Variants in SPAG9 observed in about 807,000 individuals in gnomAD.
SPAG9 encodes the protein C-Jun-amino-terminal kinase-interacting protein 4.
A neutral mutation model predicts 166.5 loss-of-function variants in SPAG9; 35 were observed. The observed-to-expected ratio is 0.21, with a 90% CI of 0.16 to 0.28. SPAG9 has a LOEUF of 0.28. Among genes scored for constraint, SPAG9 ranks in the 10% least tolerant of loss-of-function variants. The probability of loss-of-function intolerance (pLI) is 1.00; values close to 1 mark genes in which losing one functional copy is unlikely to be tolerated. For missense variants in SPAG9, 1,235 were observed against 1,603.3 expected (o/e 0.77, Z 3.92); for synonymous variants, 534 against 565.5 (o/e 0.94, Z 0.79).
At chr17:51,082,235 C>T (rs2048184047) in intron 1 of SPAG9, among the ~76,000 whole-genome samples, 1 of 151,664 alleles carries the variant, frequency 6.6e-6, no homozygotes, top group Non-Finnish European at 1.5e-5. Context: ...ATTAGCCAGG[C>T]ATGGTGGTGC....
intron 5 of SPAG9, among the ~76,000 whole-genome samples, chr17:51,034,477 T>C (rs545887765): frequency 6.6e-6 from 1 of 152,210 alleles, no homozygotes; most frequent in South Asian, 2.1e-4. Flanking sequence ...AAGGATGGGG[T>C]ATGTCAAAAG....
intron 3 of SPAG9, 41 bp downstream of exon 3, chr17:51,056,371 G>A (rs761583229): frequency 1.3e-4 from 147 of 1,114,032 alleles, no homozygotes; most frequent in Non-Finnish European, 1.9e-4. Context: ...TCATTTCTTT[G>A]TCTCAATAAT....
intron 1 of SPAG9, among the ~76,000 whole-genome samples, chr17:51,101,773 G>A (rs1014021688): frequency 3.3e-5 from 5 of 151,980 alleles, no homozygotes; most frequent in South Asian, 4.2e-4. Flanking sequence ...ATAGGCACCC[G>A]CCACCATGCC....
chr17:51,031,594 T>A, intron 6 of SPAG9, 87 bp downstream of exon 6: 1 of 919,386 alleles, frequency 1.1e-6, no homozygotes, highest in Non-Finnish European at 1.7e-6. Context: ...GAGCATCTGA[T>A]GTCTTGAGAA....
intron 1 of SPAG9, among the ~76,000 whole-genome samples, chr17:51,086,567 C>T (rs1258177314): frequency 2.0e-5 from 3 of 151,744 alleles, no homozygotes; most frequent in Non-Finnish European, 4.4e-5. Flanking sequence ...GCACAAGAAT[C>T]GCTTGAACCC....
chr17:51,066,255 C>T lies in SPAG9; in HGVS notation c.425-9773G>A, dbSNP rs563495275. 2.0e-5 allele frequency among the ~76,000 whole-genome samples: 3 copies of T among 151,938 alleles called. No homozygotes were observed. The East Asian group carries it at 5.8e-4, about 30-fold the overall frequency. ...CCTCCCAAGCAGTTGGCACTACAGG[C>T]GTGTGCCACCAGGCCAAGATAATTT... On this transcript the variant is annotated intron_variant, in intron 2 of 29. Coordinates refer to ENST00000262013, the MANE Select transcript of SPAG9 (RefSeq NM_001130528.3).
chr17:51,049,317 T>C (rs778404487), intron 3 of SPAG9, among the ~76,000 whole-genome samples: 1 of 151,310 alleles, frequency 6.6e-6, no homozygotes, highest in South Asian at 2.1e-4. Context: ...CTGTGAGCTA[T>C]GATCATGCCA....
At position 51,109,003 on chromosome 17, in the gene SPAG9, C is replaced by T. The variant is rs1308391424; in HGVS notation, c.303+11351G>A. Among the ~76,000 whole-genome samples, 8 of 151,536 alleles carry T rather than the reference C, an allele frequency of 5.3e-5. No homozygotes were observed. In the East Asian group the frequency reaches 1.6e-3, roughly 30 times the overall value. On this transcript the variant is annotated intron_variant, in intron 1 of 29. Transcript: ENST00000262013. ...TCAGCCTCCTGAGTAGCTGGGATTA[C>T]AGACGTGCACCACCAAGCCCAGCTA...
rs200463968 is a variant in SPAG9 at position 51,014,348 on chromosome 17, G to C, written c.1097C>G (p.Pro366Arg). ...AGCTTTGTTCTCTATGCCTTTGGTG[G>C]GAGTGCTATGCAACAAGAACAACAA... ...DLSGYKGSST[P>R]TKGIENKAFD... The change falls in exon 9 of 30, where the codon CCC (proline) becomes CGC (arginine). Residue 366 changes from proline (P) to arginine (R), a missense_variant. By Grantham distance (103) the Pro-to-Arg change is moderately radical (BLOSUM62 -2). Coordinates refer to ENST00000262013, the MANE Select transcript of SPAG9 (RefSeq NM_001130528.3). The C allele has an allele frequency of 2.5e-5, 40 of 1,608,562 alleles. No homozygotes were observed. In the Admixed American group the frequency reaches 6.8e-4, roughly 27 times the overall value.
At chr17:51,012,367 T>C (rs1175611089) in intron 9 of SPAG9, among the ~76,000 whole-genome samples, 3 of 152,018 alleles carry the variant, frequency 2.0e-5, no homozygotes, top group Non-Finnish European at 4.4e-5. Flanking sequence ...GTCAGGAGTT[T>C]GAGACCAGCC....
At chr17:51,060,995 G>C (rs1430229631) in intron 2 of SPAG9, among the ~76,000 whole-genome samples, 1 of 151,536 alleles carries the variant, frequency 6.6e-6, no homozygotes, top group Non-Finnish European at 1.5e-5. Context: ...CTATAGGCGT[G>C]CACCACCACA....
chr17:50,990,274 C>T (rs1288947705), intron 20 of SPAG9, 176 bp downstream of exon 20: 19 of 595,524 alleles, frequency 3.2e-5, no homozygotes, highest in Admixed American at 1.4e-4. Context: ...GTGATCCACC[C>T]GCCTTGGCCT....
rs150187757 is a variant in SPAG9 at position 50,981,462 on chromosome 17, A to G, written c.3237+1062T>C. On this transcript the variant is annotated intron_variant, in intron 25 of 29. Transcript: ENST00000262013. ...GCCAGATAGCTAGCTAATTAGATAG[A>G]TATAAACAGATACACAGATAAAGAT... Among the ~76,000 whole-genome samples, 540 of 151,336 alleles carry G rather than the reference A, an allele frequency of 3.6e-3. 9 individuals carry two copies. The highest frequency in any genetic ancestry group is 0.012 in the African/African-American group (511 of 41,128).
intron 1 of SPAG9, among the ~76,000 whole-genome samples, chr17:51,111,488 G>A (rs1248871689): frequency 6.6e-6 from 1 of 152,200 alleles, no homozygotes; most frequent in East Asian, 1.9e-4. Flanking sequence ...AGAACTGGAT[G>A]TGTGACCTAT....
intron 2 of SPAG9, among the ~76,000 whole-genome samples, chr17:51,061,612 C>CAAAAAAAAAAAAAAAAAAAAAAAAA (rs34010166): frequency 3.2e-5 from 1 of 31,726 alleles, no homozygotes; most frequent in Non-Finnish European, 6.0e-5. Context: ...GCTCTGTCTC[C>CAAAAAAAAAAAAAAAAAAAAAAAAA]AAAAAAAAAA....
At chr17:51,049,850 G>C (rs1413069175) in intron 3 of SPAG9, among the ~76,000 whole-genome samples, 1 of 152,154 alleles carries the variant, frequency 6.6e-6, no homozygotes, top group African/African-American at 2.4e-5. Context: ...CACCCGCCTT[G>C]GCCTCCCAAA....
chr17:51,045,051 C>T (rs954644289), intron 4 of SPAG9, among the ~76,000 whole-genome samples: 3 of 152,106 alleles, frequency 2.0e-5, no homozygotes, highest in Non-Finnish European at 4.4e-5. Context: ...AATAAAATCA[C>T]TTGATTTTTA....
chr17:51,086,643 A>T (rs1204625395), intron 1 of SPAG9, among the ~76,000 whole-genome samples: 1 of 149,888 alleles, frequency 6.7e-6, no homozygotes. Context: ...ATGGAGCAAG[A>T]CTCTGTCTCC....
At chr17:51,031,594 T>C (rs1462820349) in intron 6 of SPAG9, 87 bp downstream of exon 6, 1 of 919,386 alleles carries the variant, frequency 1.1e-6, no homozygotes, top group Non-Finnish European at 1.7e-6. Flanking sequence ...GAGCATCTGA[T>C]GTCTTGAGAA....
Sources: gnomAD v4.1 joint callset for allele counts (sites outside exome capture counted in the v4.1 genomes callset) on GRCh38, gnomAD v4.1.1 for gene constraint, MANE v1.5 for transcripts, NCBI Gene and HGNC (gene_info 2026-07-23, HGNC 2026-07-21) for gene names.